ZNF324B: variants seen among roughly 807,000 people sequenced by gnomAD.
ZNF324B encodes the protein zinc finger protein 324B.
Under a neutral mutation model 10.6 loss-of-function variants are expected in ZNF324B, and 7 were observed. The observed-to-expected ratio is 0.66, with a 90% CI of 0.38 to 1.24. The LOEUF is 1.24. Ranked by LOEUF, ZNF324B falls within the 50% of genes most tolerant of loss-of-function variation. ZNF324B has a pLI of 0.02. For missense variants in ZNF324B, 640 were observed against 764.7 expected (o/e 0.84, Z 1.92); for synonymous variants, 316 against 321.0 (o/e 0.98, Z 0.17).
At chr19:58,435,328 G>T in the ZNF324B span, 1 of 1,120,948 alleles carries the variant, frequency 8.9e-7, no homozygotes, top group Non-Finnish European at 1.2e-6. Flanking sequence ...ATTGCTGACA[G>T]GCCAACAGGG....
At chr19:58,434,695 G>T in the ZNF324B span, 4 of 1,614,110 alleles carry the variant, frequency 2.5e-6, no homozygotes, top group Non-Finnish European at 3.4e-6. Context: ...GTTGGGGAGA[G>T]TGGAGCTCTT....
At chr19:58,431,269 G>A in the ZNF324B span, 1 of 152,234 alleles carries the variant, frequency 6.6e-6, no homozygotes. Context: ...CATGGTCAGG[G>A]TGAGGAACGA....
rs919613361 is a variant in ZNF324B, at chr19:58,455,912, G to A, written c.968G>A (p.Arg323Gln). Reference sequence around the variant, plus strand: ...TGCCCCGTGTGCGGCAAGGCCTTCCGGCATAGCTCCTCGCTGGTGCGGCAC... The same window carrying A: ...TGCCCCGTGTGCGGCAAGGCCTTCCAGCATAGCTCCTCGCTGGTGCGGCAC... ...YACPVCGKAF[R>Q]HSSSLVRHQR... is the part of the protein sequence containing the mutation. The change falls in exon 4 of 4, where the codon CGG becomes CAG. Residue 323 changes from arginine (R) to glutamine (Q), a missense_variant. Around this residue, in one of 3 missense-constraint regions of ZNF324B, gnomAD observed 57 missense variants for 118.8 expected, o/e 0.48. Coordinates refer to ENST00000336614, the MANE Select transcript of ZNF324B (RefSeq NM_207395.3). The surrounding 1 kb of genome is among the most constrained non-coding windows in gnomAD (Gnocchi z 7.0). 6.9e-6 allele frequency: 11 copies of A among 1,603,958 alleles called. No individual in the cohort carries two copies. In the African/African-American group the frequency reaches 1.1e-4, roughly 16 times the overall value.
chr19:58,440,155 G>A, the ZNF324B span: 11 of 365,958 alleles, frequency 3.0e-5, no homozygotes, highest in South Asian at 2.8e-4. Context: ...GACCGCAATG[G>A]CGGCGCCGGA....
the ZNF324B span, chr19:58,436,876 G>T: frequency 1.1e-6 from 1 of 918,422 alleles, no homozygotes; most frequent in Non-Finnish European, 1.8e-6. Flanking sequence ...AGGCTGCTCA[G>T]AGAGAGACAG....
At chr19:58,439,857 G>A in the ZNF324B span, 45 of 1,529,750 alleles carry the variant, frequency 2.9e-5, no homozygotes, top group Admixed American at 6.4e-5. Flanking sequence ...CCGCTGGGCC[G>A]AACCCTCACA....
the ZNF324B span, among the ~76,000 whole-genome samples, chr19:58,427,435 C>CCT: frequency 3.2e-4 from 12 of 37,852 alleles, no homozygotes; most frequent in African/African-American, 1.8e-3. Flanking sequence ...TCCTTCCTTC[C>CCT]TTCCTTCCTT....
At chr19:58,449,151 GC>G (rs757141346), upstream of ZNF324B, among the ~76,000 whole-genome samples, 209 of 152,368 alleles carry the variant, frequency 1.4e-3, 2 homozygotes, top group Non-Finnish European at 2.6e-3. Context: ...TTAGGCTGTG[GC>G]TTCAGAGGGT....
chr19:58,446,136 A>G, the ZNF324B span, among the ~76,000 whole-genome samples: 1 of 152,198 alleles, frequency 6.6e-6, no homozygotes, highest in East Asian at 1.9e-4. Context: ...CTCCATCTCA[A>G]AAAACAAACA....
chr19:58,435,447 G>A, the ZNF324B span: 3 of 472,088 alleles, frequency 6.4e-6, no homozygotes, highest in East Asian at 3.5e-5. Context: ...ATGGGTCAAA[G>A]GACTTAAATA....
chr19:58,430,311 A>G, the ZNF324B span: 1 of 152,322 alleles, frequency 6.6e-6, no homozygotes, highest in African/African-American at 2.4e-5. Context: ...AACCCTAAAG[A>G]GGAGTCAGCT....
chr19:58,435,413 C>G, the ZNF324B span: 3 of 582,154 alleles, frequency 5.2e-6, no homozygotes, highest in Non-Finnish European at 8.9e-6. Flanking sequence ...TAAGGGAGAC[C>G]TCACCAGGGG....
the ZNF324B span, among the ~76,000 whole-genome samples, chr19:58,446,574 T>TCTCTC: frequency 2.4e-3 from 154 of 65,530 alleles, no homozygotes; most frequent in African/African-American, 0.018. Flanking sequence ...TTTCTTTCTC[T>TCTCTC]TTTTTTTTTT....
chr19:58,425,309 C>A, the ZNF324B span, among the ~76,000 whole-genome samples: 1 of 152,052 alleles, frequency 6.6e-6, no homozygotes, highest in African/African-American at 2.4e-5. Flanking sequence ...GTCTTAAACT[C>A]CCCGGCTCAA....
At chr19:58,435,326 C>G in the ZNF324B span, 1 of 1,184,682 alleles carries the variant, frequency 8.4e-7, no homozygotes, top group Non-Finnish European at 1.2e-6. Context: ...GGATTGCTGA[C>G]AGGCCAACAG....
At chr19:58,433,008 G>GTT in the ZNF324B span, 10 of 362,610 alleles carry the variant, frequency 2.8e-5, no homozygotes, top group South Asian at 5.3e-5. Flanking sequence ...CATCGGTTCA[G>GTT]CTGAGCACAG....
At chr19:58,422,395 A>C in the ZNF324B span, among the ~76,000 whole-genome samples, 1 of 152,210 alleles carries the variant, frequency 6.6e-6, no homozygotes, top group Non-Finnish European at 1.5e-5. Flanking sequence ...CCTATTCAAC[A>C]TAGTACTAGA....
the ZNF324B span, among the ~76,000 whole-genome samples, chr19:58,425,660 G>A: frequency 2.5e-4 from 38 of 151,582 alleles, no homozygotes; most frequent in Non-Finnish European, 4.3e-4. Flanking sequence ...TAATAGAAAC[G>A]CCGTTTCACC....
chr19:58,433,651 G>A, the ZNF324B span: 1 of 1,614,174 alleles, frequency 6.2e-7, no homozygotes. Flanking sequence ...GCATTTATAA[G>A]GCTTTTCTCC....
Sources: gnomAD v4.1 joint callset for allele counts (sites outside exome capture counted in the v4.1 genomes callset) on GRCh38, gnomAD v4.1.1 for gene constraint, gnomAD v4.1.1 regional missense constraint, Gnocchi (gnomAD v3.1) non-coding constraint, MANE v1.5 for transcripts, NCBI Gene and HGNC (gene_info 2026-07-23, HGNC 2026-07-21) for gene names.